The following PUS10 variants were observed in gnomAD, a reference collection of about 807,000 sequenced individuals.
PUS10 encodes the protein tRNA pseudouridine synthase Pus10.
Under a neutral mutation model 75.0 loss-of-function variants are expected in PUS10, and 59 were observed. That is an observed-to-expected ratio of 0.79 (90% CI 0.64 to 0.98). PUS10 has a LOEUF of 0.98. Among genes scored for constraint, PUS10 ranks in the 50% least tolerant of loss-of-function variants. PUS10 has a pLI of 0.00. For synonymous variants in PUS10, 219 were observed against 211.6 expected (o/e 1.03, Z -0.30); for missense variants, 650 against 614.4 (o/e 1.06, Z -0.61).
chr2:61,001,941 G>T (rs993807250), intron 4 of PUS10, among the ~76,000 whole-genome samples: 13 of 151,858 alleles, frequency 8.6e-5, no homozygotes, highest in African/African-American at 3.2e-4. Flanking sequence ...TTTCTTTGTA[G>T]TGTTTGAAAT....
intron 17 of PUS10, among the ~76,000 whole-genome samples, chr2:60,944,416 G>A (rs1184421644): frequency 7.2e-5 from 11 of 152,148 alleles, no homozygotes; most frequent in Admixed American, 7.2e-4. Context: ...AAGATTCTGG[G>A]GAGAGGAGCG....
chr2:60,970,873 A>G (rs545302622), intron 5 of PUS10, among the ~76,000 whole-genome samples: 2 of 152,306 alleles, frequency 1.3e-5, no homozygotes, highest in African/African-American at 4.8e-5. Context: ...TTTAGTTTCT[A>G]AGACCAATAT....
At chr2:61,013,951 A>AAACAACAACAAC (rs34082267) in intron 1 of PUS10, among the ~76,000 whole-genome samples, 1 of 151,124 alleles carries the variant, frequency 6.6e-6, no homozygotes, top group Admixed American at 6.6e-5. Flanking sequence ...AAATACAAAC[A>AAACAACAACAAC]AACAACAACA....
chr2:61,010,817 C>T, intron 2 of PUS10: 2 of 1,550,394 alleles, frequency 1.3e-6, no homozygotes, highest in Non-Finnish European at 1.7e-6. Flanking sequence ...TGTTCAAATC[C>T]TAGCTTGCTC....
Position 60,945,069 on chromosome 2 carries a change from G to A in PUS10, c.1491C>T (p.Thr497=), listed in dbSNP as rs747539853. 23 of 1,613,900 alleles carry A rather than the reference G, an allele frequency of 1.4e-5. No homozygotes were observed. The highest frequency in any genetic ancestry group is 1.6e-4 in the Middle Eastern group (1 of 6,084). ...TCATCAGGGACCCAATGTTTGGCTT[G>A]GTTCTCCCGAAGTCTCCATGTACAA... ...KEFVHGDFGR[T]KPNIGSLMNV... Residue 497 remains threonine (T), a synonymous_variant, in exon 17 of 18, where the codon ACC becomes ACT. Coordinates refer to ENST00000316752, the MANE Select transcript of PUS10 (RefSeq NM_144709.4).
chr2:61,015,573 C>A (rs1031720193), intron 1 of PUS10, among the ~76,000 whole-genome samples: 2 of 152,102 alleles, frequency 1.3e-5, no homozygotes, highest in East Asian at 3.8e-4. Flanking sequence ...GTGGCACGCA[C>A]CTGTAGTCCC....
intron 3 of PUS10, 35 bp downstream of exon 3, chr2:61,008,726 A>G (rs1679400184): frequency 1.4e-6 from 2 of 1,446,412 alleles, no homozygotes; most frequent in East Asian, 2.3e-5. Context: ...AAATCTCTAC[A>G]TAATTGCACC....
chr2:60,971,409 T>C (rs1352085333), intron 5 of PUS10, 114 bp downstream of exon 5: 1 of 924,424 alleles, frequency 1.1e-6, no homozygotes, highest in Admixed American at 1.9e-5. Context: ...TGCTAATTTC[T>C]CTAGTAGCTA....
At chr2:61,005,396 G>T (rs570930012) in intron 4 of PUS10, among the ~76,000 whole-genome samples, 52 of 152,304 alleles carry the variant, frequency 3.4e-4, no homozygotes, top group African/African-American at 1.2e-3. Flanking sequence ...GAATCTTAAT[G>T]TAAAAATATA....
chr2:61,017,891 C>G (rs1270386385), intron 1 of PUS10, 117 bp downstream of exon 1: 15 of 1,531,964 alleles, frequency 9.8e-6, no homozygotes, highest in Non-Finnish European at 8.8e-6. Context: ...TTAGTGGGCC[C>G]GAGCGGGGAC....
intron 4 of PUS10, among the ~76,000 whole-genome samples, chr2:60,996,896 T>C (rs965332014): frequency 1.3e-5 from 2 of 152,244 alleles, no homozygotes; most frequent in Non-Finnish European, 2.9e-5. Context: ...CAATCAGACA[T>C]TCCCAATAGG....
intron 16 of PUS10, among the ~76,000 whole-genome samples, chr2:60,946,050 A>C (rs1367177318): frequency 6.6e-6 from 1 of 152,210 alleles, no homozygotes; most frequent in Non-Finnish European, 1.5e-5. Context: ...GTTTTGACTA[A>C]AGCATAAGAC....
intron 1 of PUS10, among the ~76,000 whole-genome samples, chr2:61,012,410 C>T (rs1404199787): frequency 1.3e-5 from 2 of 152,054 alleles, no homozygotes; most frequent in Non-Finnish European, 2.9e-5. Flanking sequence ...TGACCTTCTG[C>T]CCTCCTGTCT....
chr2:61,014,377 C>G (rs999857939), intron 1 of PUS10, among the ~76,000 whole-genome samples: 3 of 152,120 alleles, frequency 2.0e-5, no homozygotes, highest in Non-Finnish European at 4.4e-5. Context: ...GAAATTCCAT[C>G]TCAAACAAAC....
intron 4 of PUS10, among the ~76,000 whole-genome samples, chr2:60,981,220 A>G (rs980823430): frequency 6.6e-6 from 1 of 151,694 alleles, no homozygotes; most frequent in Admixed American, 6.6e-5. Context: ...AAGAACCTCA[A>G]GTAGCTTTTG....
intron 11 of PUS10, among the ~76,000 whole-genome samples, chr2:60,956,111 A>C (rs964882809): frequency 3.3e-5 from 5 of 152,098 alleles, no homozygotes; most frequent in Non-Finnish European, 7.4e-5. Flanking sequence ...AAAAAATGTA[A>C]GGGGCTTACA....
Position 60,942,358 on chromosome 2 carries a change from C to T in PUS10, c.*37G>A, listed in dbSNP as rs574987081. The T allele has an allele frequency of 6.3e-7, 1 of 1,594,850 alleles. No individual in the cohort carries two copies. Among genetic ancestry groups the T allele is most frequent in the Non-Finnish European group, 8.6e-7 (1 of 1,162,510 alleles). On this transcript the variant is annotated 3_prime_UTR_variant, in exon 18 of 18. Transcript: ENST00000316752. ...GTGCTCCATGGATGTCCACATCATG[C>T]CAGGAAAACCATACTCTTTGTCTCC...
Position 60,961,540 on chromosome 2 carries a change from G to A in PUS10, c.797C>T (p.Pro266Leu). ...IKEEDFLKQF[P>L]CPPNSPKAVC... ...AGCCTTTGGTGAGTTTGGAGGACAA[G>A]GAAACTGCCTGCAAAACAAAATAAA... Residue 266 changes from proline to leucine, a missense_variant, in exon 10 of 18, where the codon CCT (proline) becomes CTT (leucine). By Grantham distance (98) the Pro-to-Leu change is moderately conservative. Coordinates refer to ENST00000316752, the MANE Select transcript of PUS10 (RefSeq NM_144709.4). 1 of 1,613,408 alleles carries A rather than the reference G, an allele frequency of 6.2e-7. No individual in the cohort carries two copies. Among genetic ancestry groups the A allele is most frequent in the South Asian group, 1.1e-5 (1 of 91,060 alleles).
chr2:60,978,439 A>AAAAC (rs1677178378), intron 4 of PUS10, among the ~76,000 whole-genome samples: 2 of 151,402 alleles, frequency 1.3e-5, no homozygotes, highest in African/African-American at 2.4e-5. Flanking sequence ...AAAAAAAAAA[A>AAAAC]AAAAGAATTC....
Sources: gnomAD v4.1 joint callset for allele counts (sites outside exome capture counted in the v4.1 genomes callset) on GRCh38, gnomAD v4.1.1 for gene constraint, MANE v1.5 for transcripts, NCBI Gene and HGNC (gene_info 2026-07-23, HGNC 2026-07-21) for gene names.